Variants in TFDP2 observed in about 807,000 individuals in gnomAD.
The protein encoded by TFDP2 is transcription factor Dp-2, also known as transcription factor Dp-2 (E2F dimerization partner 2).
A neutral mutation model predicts 59.3 loss-of-function variants in TFDP2; 17 were observed. The observed-to-expected ratio is 0.29, with a 90% CI of 0.20 to 0.43. The LOEUF is 0.43. Ranked by LOEUF, TFDP2 falls within the 20% of genes least tolerant of loss-of-function variation. The pLI is 1.00. For synonymous variants in TFDP2, 180 were observed against 194.7 expected (o/e 0.92, Z 0.63); for missense variants, 391 against 528.8 (o/e 0.74, Z 2.56).
chr3:142,084,039 A>T (rs999183316), intron 3 of TFDP2, among the ~76,000 whole-genome samples: 1 of 152,234 alleles, frequency 6.6e-6, no homozygotes, highest in African/African-American at 2.4e-5. Context: ...TGCATAGCAA[A>T]GGAAACAATC....
At chr3:141,969,285 T>C (rs1012749561) in intron 9 of TFDP2, among the ~76,000 whole-genome samples, 1 of 133,368 alleles carries the variant, frequency 7.5e-6, no homozygotes, top group Non-Finnish European at 1.5e-5. Flanking sequence ...TATATATATA[T>C]ATAACCGGCC....
intron 1 of TFDP2, among the ~76,000 whole-genome samples, chr3:142,139,502 T>C (rs1332682990): frequency 6.6e-6 from 1 of 152,214 alleles, no homozygotes; most frequent in African/African-American, 2.4e-5. Flanking sequence ...CAGTGGCTGG[T>C]ACCGATTGTT....
intron 4 of TFDP2, among the ~76,000 whole-genome samples, chr3:141,996,104 G>T (rs1377982096): frequency 6.6e-6 from 1 of 151,970 alleles, no homozygotes; most frequent in Non-Finnish European, 1.5e-5. Context: ...CCAGAAAGGG[G>T]ATTAATGGAA....
In TFDP2 at chr3:142,141,789, C is replaced by T. The variant is rs189011982; in HGVS notation, c.-93+7394G>A. On this transcript the variant is annotated intron_variant, in intron 1 of 12. Transcript: ENST00000489671. ...AGTGAGCCGATATCATGCCACTGCA[C>T]TCCAGCCTGGGTGACAGAGCAAGAC... Among the ~76,000 whole-genome samples the T allele has an allele frequency of 1.5e-4, 23 of 151,952 alleles. No homozygotes were observed. In the East Asian group the frequency reaches 4.1e-3, roughly 27 times the overall value.
At position 142,149,478 on chromosome 3, in the gene TFDP2, C is replaced by T. The variant is rs9855166; in HGVS notation, c.-388G>A. 1.1e-4 allele frequency: 40 copies of T among 365,040 alleles called. No individual in the cohort carries two copies. Among genetic ancestry groups the T allele is most frequent in the African/African-American group, 8.0e-4 (38 of 47,462 alleles). The allele number at this position is 365,040 out of a possible 1,614,324, so 22.6% of individuals were successfully genotyped here. ...GAGATCGCTACCGATTTCGTCCGCC[C>T]TCTCCCTGCCCAGCTACAGCCCCGC... On this transcript the variant is annotated 5_prime_UTR_variant, in exon 1 of 13. Coordinates refer to ENST00000489671, the MANE Select transcript of TFDP2 (RefSeq NM_001178139.2).
At chr3:142,016,564 G>A (rs1459855710) in intron 3 of TFDP2, among the ~76,000 whole-genome samples, 1 of 152,180 alleles carries the variant, frequency 6.6e-6, no homozygotes, top group Non-Finnish European at 1.5e-5. Context: ...GCATCCCTAA[G>A]TGCTGGGATT....
At chr3:142,109,424 G>A (rs908303472) in intron 1 of TFDP2, among the ~76,000 whole-genome samples, 4 of 150,474 alleles carry the variant, frequency 2.7e-5, no homozygotes, top group Non-Finnish European at 5.9e-5. Flanking sequence ...TGGCCCCTGG[G>A]TTCAAGCGAT....
At chr3:142,063,032 T>C (rs189103740) in intron 3 of TFDP2, among the ~76,000 whole-genome samples, 14 of 152,288 alleles carry the variant, frequency 9.2e-5, no homozygotes, top group Non-Finnish European at 1.6e-4. Flanking sequence ...TAGATATGAG[T>C]GCTGGCTTAT....
At chr3:142,008,539 G>C (rs773776285) in intron 3 of TFDP2, among the ~76,000 whole-genome samples, 2 of 151,934 alleles carry the variant, frequency 1.3e-5, no homozygotes, top group Admixed American at 6.6e-5. Flanking sequence ...TCAACCACCT[G>C]GCTTTGTTAT....
chr3:142,067,476 A>G (rs1052182707), intron 3 of TFDP2, among the ~76,000 whole-genome samples: 1 of 152,036 alleles, frequency 6.6e-6, no homozygotes, highest in Non-Finnish European at 1.5e-5. Context: ...ATCAAAGAAG[A>G]CCTAATTAAT....
At position 142,046,960 on chromosome 3, in the gene TFDP2, A is replaced by G. The variant is rs964888498; in HGVS notation, c.83-41416T>C. 4.6e-5 allele frequency among the ~76,000 whole-genome samples: 7 copies of G among 152,224 alleles called. No individual in the cohort carries two copies. The East Asian group carries it at 5.8e-4, about 13-fold the overall frequency. On this transcript the variant is annotated intron_variant, in intron 3 of 12. Coordinates refer to ENST00000489671, the MANE Select transcript of TFDP2 (RefSeq NM_001178139.2). The stretch of plus-strand genomic sequence containing the variant: ...CACACATTCAACCTGGGAAAAGCAG[A>G]TAAGTGGAAGCAATAGCTTCTCATG...
chr3:142,132,561 C>A (rs1187385216), intron 1 of TFDP2, among the ~76,000 whole-genome samples: 2 of 148,994 alleles, frequency 1.3e-5, no homozygotes, highest in Non-Finnish European at 2.9e-5. Context: ...CTGGCTAACA[C>A]AATGAAACCC....
At chr3:142,083,312 C>T (rs950157689) in intron 3 of TFDP2, among the ~76,000 whole-genome samples, 1 of 151,770 alleles carries the variant, frequency 6.6e-6, no homozygotes, top group Non-Finnish European at 1.5e-5. Context: ...AATGAAAGAT[C>T]CCTACAATAA....
chr3:141,964,053 A>G, intron 9 of TFDP2, 90 bp from the exon 10 acceptor site: 1 of 1,264,738 alleles, frequency 7.9e-7, no homozygotes, highest in East Asian at 2.5e-5. Flanking sequence ...AATATAGTTT[A>G]AAATTAGAGT....
chr3:141,987,581 CGT>C (rs113061424), intron 6 of TFDP2, among the ~76,000 whole-genome samples: 9,306 of 117,938 alleles, frequency 0.079, 314 homozygotes, highest in African/African-American at 0.13. Flanking sequence ...CTGCGCCTGG[CGT>C]GTGTGTGTGT....
intron 3 of TFDP2, among the ~76,000 whole-genome samples, chr3:142,039,067 T>C (rs1946832064): frequency 6.6e-6 from 1 of 152,198 alleles, no homozygotes; most frequent in Non-Finnish European, 1.5e-5. Context: ...TGAGTTCCCA[T>C]ATTCTCTACA....
intron 1 of TFDP2, among the ~76,000 whole-genome samples, chr3:142,131,803 C>T (rs942520438): frequency 3.3e-5 from 5 of 149,600 alleles, no homozygotes; most frequent in African/African-American, 7.6e-5. Flanking sequence ...GTCAGGAGTT[C>T]GAGACCAGCC....
chr3:141,997,412 C>T (rs1198460453), intron 4 of TFDP2, among the ~76,000 whole-genome samples: 1 of 152,146 alleles, frequency 6.6e-6, no homozygotes, highest in Non-Finnish European at 1.5e-5. Context: ...CTCTGGTCAA[C>T]CCTATTCCTT....
Position 142,126,784 on chromosome 3 carries a change from C to T in TFDP2, c.-93+22399G>A, listed in dbSNP as rs1459668150. Reference sequence around the variant, plus strand: ...CAACATGGTGAAACCCCGTTTCTACCGAAAATACAAAAATTAGCCAGGCAG... The same window carrying T: ...CAACATGGTGAAACCCCGTTTCTACTGAAAATACAAAAATTAGCCAGGCAG... On this transcript the variant is annotated intron_variant, in intron 1 of 12. Transcript: ENST00000489671. Among the ~76,000 whole-genome samples, 5 of 150,200 alleles carry T rather than the reference C, an allele frequency of 3.3e-5. No individual in the cohort carries two copies. In the Admixed American group the frequency reaches 3.3e-4, roughly 10 times the overall value.
Sources: allele counts gnomAD v4.1 joint callset (sites outside exome capture counted in the v4.1 genomes callset), GRCh38; gene constraint gnomAD v4.1.1; transcripts MANE v1.5; gene names NCBI Gene and HGNC (gene_info 2026-07-23, HGNC 2026-07-21).